KLHL1: variants seen among roughly 807,000 people sequenced by gnomAD.
KLHL1 encodes kelch like family member 1, also known as kelch-like protein 1.
In KLHL1, 47 loss-of-function variants were observed where a neutral mutation model predicts 77.7. The ratio of observed to expected loss-of-function variants is 0.60; its 90% confidence interval spans 0.48 to 0.77. The LOEUF (loss-of-function observed/expected upper bound fraction) is 0.77. Ranked by LOEUF, KLHL1 falls within the 30% of genes least tolerant of loss-of-function variation. The pLI, the probability that KLHL1 is intolerant of heterozygous loss-of-function variation, is 0.00. For synonymous variants in KLHL1, 360 were observed against 325.2 expected (o/e 1.11, Z -1.15); for missense variants, 925 against 910.8 (o/e 1.02, Z -0.20).
chr13:70,034,178 T>A (rs11838650), intron 1 of KLHL1, among the ~76,000 whole-genome samples: 1 of 152,058 alleles, frequency 6.6e-6, no homozygotes, highest in Admixed American at 6.5e-5. Flanking sequence ...AACATTTTAC[T>A]GTTGTCTATT....
intron 5 of KLHL1, among the ~76,000 whole-genome samples, chr13:69,866,269 C>CTTT (rs1230451114): frequency 1.3e-5 from 2 of 152,106 alleles, no homozygotes; most frequent in East Asian, 3.9e-4. Flanking sequence ...ATTTCCAGGT[C>CTTT]TTTTCAGGTC....
chr13:69,719,958 G>A (rs1344424080), intron 8 of KLHL1, among the ~76,000 whole-genome samples: 1 of 151,916 alleles, frequency 6.6e-6, no homozygotes, highest in Non-Finnish European at 1.5e-5. Context: ...CAGGAGAAAG[G>A]CATTATCCTA....
chr13:69,746,504 G>A (rs567548903), intron 7 of KLHL1, among the ~76,000 whole-genome samples: 100 of 151,988 alleles, frequency 6.6e-4, no homozygotes, highest in Non-Finnish European at 1.3e-3. Flanking sequence ...GTTACAATGT[G>A]CTAATCTTTG....
At chr13:70,010,366 G>C (rs1885503169) in intron 1 of KLHL1, among the ~76,000 whole-genome samples, 1 of 151,770 alleles carries the variant, frequency 6.6e-6, no homozygotes, top group Non-Finnish European at 1.5e-5. Flanking sequence ...GAAAGAAAAG[G>C]ATTTAAAAAA....
intron 4 of KLHL1, among the ~76,000 whole-genome samples, chr13:69,930,800 C>A (rs1882977200): frequency 6.6e-6 from 1 of 151,616 alleles, no homozygotes; most frequent in African/African-American, 2.4e-5. Context: ...TTATAGAATT[C>A]ATTCCTTAAA....
At position 69,994,370 on chromosome 13, in the gene KLHL1, T is replaced by A. The variant is rs1409055359; in HGVS notation, c.498-18568A>T. Among the ~76,000 whole-genome samples, 7 of 152,082 alleles carry A rather than the reference T, an allele frequency of 4.6e-5. 1 individual carries two copies. The South Asian group carries it at 1.0e-3, about 22-fold the overall frequency. On this transcript the variant is annotated intron_variant, in intron 1 of 10. Coordinates refer to ENST00000377844, the MANE Select transcript of KLHL1 (RefSeq NM_020866.3). The stretch of plus-strand genomic sequence containing the variant: ...CTTTGATTGCAGAAGCATCACTTCC[T>A]CCAATGAGGAAACCTGCCTACTCTT...
intron 6 of KLHL1, among the ~76,000 whole-genome samples, chr13:69,826,294 A>G (rs1431875503): frequency 6.6e-6 from 1 of 152,192 alleles, no homozygotes; most frequent in Non-Finnish European, 1.5e-5. Flanking sequence ...ATAACAATGT[A>G]TTGTCTATTT....
At chr13:69,999,384 G>T (rs964093352) in intron 1 of KLHL1, among the ~76,000 whole-genome samples, 25 of 151,954 alleles carry the variant, frequency 1.6e-4, no homozygotes, top group Admixed American at 1.3e-3. Flanking sequence ...TCATAGATCT[G>T]CTTTATGCAT....
At chr13:69,890,821 G>C (rs1881401042) in intron 4 of KLHL1, among the ~76,000 whole-genome samples, 1 of 151,796 alleles carries the variant, frequency 6.6e-6, no homozygotes, top group African/African-American at 2.4e-5. Context: ...TTTTCTTATT[G>C]CTTTAGAAAT....
At position 70,023,101 on chromosome 13, in the gene KLHL1, A is replaced by C. The variant is rs1377841768; in HGVS notation, c.498-47299T>G. Among the ~76,000 whole-genome samples, 11 of 152,070 alleles carry C rather than the reference A, an allele frequency of 7.2e-5. No homozygotes were observed. The East Asian group carries it at 2.1e-3, about 29-fold the overall frequency. On this transcript the variant is annotated intron_variant, in intron 1 of 10. Coordinates refer to ENST00000377844, the MANE Select transcript of KLHL1 (RefSeq NM_020866.3). The stretch of plus-strand genomic sequence containing the variant: ...ACTATACCTAGAGTGCTGGAAAATG[A>C]ATATACCTTTCTTTATGCTTTTCTG...
chr13:70,050,195 C>G (rs1041668113), intron 1 of KLHL1, among the ~76,000 whole-genome samples: 2 of 151,566 alleles, frequency 1.3e-5, no homozygotes, highest in African/African-American at 4.8e-5. Context: ...ATTTTTGATA[C>G]TTTATATGTC....
At chr13:69,784,488 A>G (rs1355028470) in intron 7 of KLHL1, among the ~76,000 whole-genome samples, 1 of 152,150 alleles carries the variant, frequency 6.6e-6, no homozygotes, top group Non-Finnish European at 1.5e-5. Flanking sequence ...GGATGGAGAA[A>G]GATCTACCAA....
chr13:69,709,234 CCAACA>C (rs918363203), intron 9 of KLHL1, among the ~76,000 whole-genome samples: 5 of 151,914 alleles, frequency 3.3e-5, no homozygotes, highest in Admixed American at 1.3e-4. Flanking sequence ...GACACACACA[CCAACA>C]CAAGTACACA....
intron 8 of KLHL1, among the ~76,000 whole-genome samples, chr13:69,728,449 G>C (rs1873399476): frequency 6.6e-6 from 1 of 151,808 alleles, no homozygotes; most frequent in Non-Finnish European, 1.5e-5. Context: ...CAGAGTCTCT[G>C]TCTCCCAGGC....
At position 69,872,325 on chromosome 13, in the gene KLHL1, C is replaced by T. The variant is rs867797415; in HGVS notation, c.1227+9958G>A. Among the ~76,000 whole-genome samples the T allele has an allele frequency of 2.7e-5, 4 of 150,582 alleles. No individual in the cohort carries two copies. The Middle Eastern group carries it at 0.014, about 512-fold the overall frequency. ...AATCGGCCTGTTTTACAGCCTCCTG[C>T]CCTACAGCCTCCTGTAGCTTGTTAC... On this transcript the variant is annotated intron_variant, in intron 5 of 10. Coordinates refer to ENST00000377844, the MANE Select transcript of KLHL1 (RefSeq NM_020866.3).
intron 1 of KLHL1, among the ~76,000 whole-genome samples, chr13:69,992,460 G>A (rs550454515): frequency 1.2e-4 from 19 of 152,120 alleles, no homozygotes; most frequent in Non-Finnish European, 2.1e-4. Flanking sequence ...TGTATAAATA[G>A]AAGGAAGGCT....
At chr13:69,785,576 AC>A (rs1362191970) in intron 7 of KLHL1, among the ~76,000 whole-genome samples, 1 of 141,092 alleles carries the variant, frequency 7.1e-6, no homozygotes, top group Non-Finnish European at 1.6e-5. Context: ...CAAAATTGAC[AC>A]CCTAAGATCA....
At chr13:70,024,398 G>GA (rs59598504) in intron 1 of KLHL1, among the ~76,000 whole-genome samples, 12,408 of 151,714 alleles carry the variant, frequency 0.082, 541 homozygotes, top group South Asian at 0.11. Context: ...AGAGATTGAG[G>GA]AAAAAACTCA....
At chr13:69,950,263 A>T (rs1444203698) in intron 3 of KLHL1, among the ~76,000 whole-genome samples, 1 of 151,678 alleles carries the variant, frequency 6.6e-6, no homozygotes, top group African/African-American at 2.4e-5. Flanking sequence ...TAAGAATTAA[A>T]CATGCCAGTA....
Sources: allele counts gnomAD v4.1 joint callset (sites outside exome capture counted in the v4.1 genomes callset), GRCh38; gene constraint gnomAD v4.1.1; transcripts MANE v1.5; gene names NCBI Gene and HGNC (gene_info 2026-07-23, HGNC 2026-07-21).